HPGDS: variants seen among roughly 807,000 people sequenced by gnomAD.
The protein encoded by HPGDS is GST class-sigma.
Under a neutral mutation model 23.1 loss-of-function variants are expected in HPGDS, and 26 were observed. The observed-to-expected ratio is 1.13, with a 90% confidence interval of 0.83 to 1.56. HPGDS has a LOEUF of 1.56. Ranked by LOEUF, HPGDS falls within the 40% of genes most tolerant of loss-of-function variation. HPGDS has a pLI of 0.00. For synonymous variants in HPGDS, 95 were observed against 77.9 expected (o/e 1.22, Z -1.16); for missense variants, 268 against 236.4 (o/e 1.13, Z -0.88).
chr4:94,301,484 A>G (rs2126034145), intron 5 of HPGDS, among the ~76,000 whole-genome samples: 1 of 152,288 alleles, frequency 6.6e-6, no homozygotes, highest in African/African-American at 2.4e-5. Flanking sequence ...ACTGATCGAG[A>G]TATAAAATGC....
At chr4:94,322,560 A>G (rs1168488874) in intron 2 of HPGDS, among the ~76,000 whole-genome samples, 3 of 152,134 alleles carry the variant, frequency 2.0e-5, no homozygotes, top group African/African-American at 7.2e-5. Flanking sequence ...AGAGGTGTTT[A>G]TAGTATTCTC....
chr4:94,312,236 G>T (rs1211472530), intron 3 of HPGDS, among the ~76,000 whole-genome samples: 1 of 152,104 alleles, frequency 6.6e-6, no homozygotes, highest in Non-Finnish European at 1.5e-5. Context: ...ATGTTAGGGT[G>T]TCGATTTTAG....
chr4:94,333,424 T>C (rs10084984), intron 2 of HPGDS, among the ~76,000 whole-genome samples: 22,390 of 152,200 alleles, frequency 0.15, 1,887 homozygotes, highest in Non-Finnish European at 0.19. Context: ...GTGGAAGGAA[T>C]GTGAGCTATC....
At chr4:94,322,246 G>A (rs1294594209) in intron 2 of HPGDS, among the ~76,000 whole-genome samples, 1 of 152,070 alleles carries the variant, frequency 6.6e-6, no homozygotes, top group Non-Finnish European at 1.5e-5. Context: ...GTCTCTGCCA[G>A]GCTTTGGTAT....
In HPGDS at chr4:94,334,483, T is replaced by C. The variant is rs777406255; in HGVS notation, c.133+14A>G. On this transcript the variant is annotated intron_variant, in intron 2 of 5. Transcript: ENST00000295256. ...AAGCATATTTTTCCTACATTTATTA[T>C]TTTTGCTACTTACTTGATTTGATTT... 5.1e-6 allele frequency: 8 copies of C among 1,564,270 alleles called. No homozygotes were observed. In the East Asian group the frequency reaches 1.4e-4, roughly 27 times the overall value.
chr4:94,336,235 C>T (rs2126046310), intron 1 of HPGDS, among the ~76,000 whole-genome samples: 1 of 150,984 alleles, frequency 6.6e-6, no homozygotes, highest in African/African-American at 2.4e-5. Context: ...AGAAAGAAAT[C>T]ACACCACATA....
At chr4:94,311,413 C>T (rs1003546444) in intron 3 of HPGDS, among the ~76,000 whole-genome samples, 4 of 151,060 alleles carry the variant, frequency 2.6e-5, no homozygotes, top group Non-Finnish European at 4.4e-5. Context: ...TTTTTGTCAT[C>T]GGTTGTGTTT....
intron 3 of HPGDS, 36 bp from the exon 4 acceptor site, chr4:94,308,779 T>C (rs1579428854): frequency 8.9e-7 from 1 of 1,122,292 alleles, no homozygotes; most frequent in South Asian, 1.3e-5. Flanking sequence ...ATATGTTTAA[T>C]TTACTATATT....
At chr4:94,320,733 GT>G (rs1330632866) in intron 2 of HPGDS, among the ~76,000 whole-genome samples, 2 of 152,158 alleles carry the variant, frequency 1.3e-5, no homozygotes, top group African/African-American at 2.4e-5. Flanking sequence ...TCTAATGGTA[GT>G]TTCTTTTACT....
intron 3 of HPGDS, among the ~76,000 whole-genome samples, chr4:94,313,452 G>A (rs1756324612): frequency 6.6e-6 from 1 of 152,200 alleles, no homozygotes; most frequent in South Asian, 2.1e-4. Context: ...CTTTAAGAAT[G>A]TTGAATATTG....
chr4:94,313,231 T>C (rs1471698223), intron 3 of HPGDS, among the ~76,000 whole-genome samples: 1 of 152,166 alleles, frequency 6.6e-6, no homozygotes, highest in African/African-American at 2.4e-5. Context: ...TCTTCCTAGC[T>C]TGGGTGGTCT....
chr4:94,318,719 A>G (rs923174895), intron 2 of HPGDS, among the ~76,000 whole-genome samples: 1 of 152,086 alleles, frequency 6.6e-6, no homozygotes, highest in Non-Finnish European at 1.5e-5. Flanking sequence ...ATGGATTAAA[A>G]AAATTTTTTT....
At chr4:94,338,424 C>G (rs557786543) in intron 1 of HPGDS, among the ~76,000 whole-genome samples, 2 of 151,954 alleles carry the variant, frequency 1.3e-5, no homozygotes, top group Non-Finnish European at 2.9e-5. Context: ...CACTCTCTCT[C>G]AAAAATAAGA....
rs1181269749 is a variant in HPGDS at position 94,302,182 on chromosome 4, T to C, written c.399A>G (p.Thr133=). 21 of 1,612,434 alleles carry C rather than the reference T, an allele frequency of 1.3e-5. No homozygotes were observed. Among genetic ancestry groups the C allele is most frequent in the Non-Finnish European group, 1.8e-5 (21 of 1,178,922 alleles). ...NAPHLMQDLD[T]YLGGREWLIG... ...TAAGCCATTCTCTCCCCCCTAAATA[T>C]GTGTCCAAGTCTTGCATAAGATGAG... The change falls in exon 5 of 6, where the codon ACA becomes ACG. Residue 133 remains threonine (T), a synonymous_variant. Coordinates refer to ENST00000295256, the MANE Select transcript of HPGDS (RefSeq NM_014485.3).
At chr4:94,331,215 C>T (rs1334657002) in intron 2 of HPGDS, among the ~76,000 whole-genome samples, 2 of 152,172 alleles carry the variant, frequency 1.3e-5, no homozygotes, top group Admixed American at 6.5e-5. Context: ...TCTACAGGGA[C>T]TCAAATATAG....
At chr4:94,316,136 A>G (rs1334930521) in intron 3 of HPGDS, among the ~76,000 whole-genome samples, 15 of 152,192 alleles carry the variant, frequency 9.9e-5, no homozygotes, top group Admixed American at 3.9e-4. Flanking sequence ...CCTTGCATGC[A>G]TGGCACGTAT....
intron 2 of HPGDS, among the ~76,000 whole-genome samples, chr4:94,326,855 T>G (rs1283423840): frequency 6.6e-6 from 1 of 152,198 alleles, no homozygotes; most frequent in Non-Finnish European, 1.5e-5. Context: ...GATTGATTTT[T>G]GTAGGGAAAC....
chr4:94,301,687 G>A (rs1470627609), intron 5 of HPGDS, among the ~76,000 whole-genome samples: 1 of 151,176 alleles, frequency 6.6e-6, no homozygotes, highest in East Asian at 1.9e-4. Context: ...AATAATACCA[G>A]AAAAAAAATA....
chr4:94,340,836 TTTTTTTTTCTTTC>T, intron 1 of HPGDS, among the ~76,000 whole-genome samples: 1 of 129,828 alleles, frequency 7.7e-6, no homozygotes, highest in African/African-American at 3.0e-5. Context: ...TTTTTTTCTT[TTTTTTTTTCTTTC>T]TTTTTTTTTT....
Sources: gnomAD v4.1 joint callset for allele counts (sites outside exome capture counted in the v4.1 genomes callset) on GRCh38, gnomAD v4.1.1 for gene constraint, MANE v1.5 for transcripts, NCBI Gene and HGNC (gene_info 2026-07-23, HGNC 2026-07-21) for gene names.